SLC15A5: variants seen among roughly 807,000 people sequenced by gnomAD.
The protein encoded by SLC15A5 is Peptide/histidine transporter ENSP00000340402.
A neutral mutation model predicts 56.1 loss-of-function variants in SLC15A5; 58 were observed. The observed-to-expected ratio is 1.03, with a 90% CI of 0.84 to 1.29. The LOEUF is 1.29. Among genes scored for constraint, SLC15A5 ranks in the 50% most tolerant of loss-of-function variants. SLC15A5 has a pLI of 0.00. For synonymous variants in SLC15A5, 264 were observed against 250.5 expected (o/e 1.05, Z -0.51); for missense variants, 681 against 672.1 (o/e 1.01, Z -0.15).
intron 2 of SLC15A5, among the ~76,000 whole-genome samples, chr12:16,265,918 G>C (rs1050397858): frequency 1.3e-5 from 2 of 152,058 alleles, no homozygotes; most frequent in Non-Finnish European, 2.9e-5. Context: ...ATGAGACCTA[G>C]CACAGTACTA....
chr12:16,233,389 T>C lies in SLC15A5; in HGVS notation c.1162+6292A>G, dbSNP rs528986546. 1.1e-4 allele frequency among the ~76,000 whole-genome samples: 16 copies of C among 152,352 alleles called. No homozygotes were observed. The South Asian group carries it at 3.3e-3, about 32-fold the overall frequency. ...AAATTTCTATGATTTTTAAAATTGA[T>C]AAAATTTAAAATTATTTCTTTTGGA... On this transcript the variant is annotated intron_variant, in intron 5 of 8. Coordinates refer to ENST00000344941, the MANE Select transcript of SLC15A5 (RefSeq NM_001170798.1).
At chr12:16,214,267 T>G (rs1864109685) in intron 7 of SLC15A5, among the ~76,000 whole-genome samples, 1 of 152,196 alleles carries the variant, frequency 6.6e-6, no homozygotes, top group African/African-American at 2.4e-5. Context: ...GATTAAAAAA[T>G]TTGCCTGGAC....
At position 16,189,050 on chromosome 12, in the gene SLC15A5, TA is replaced by T. The variant is rs1863815119; in HGVS notation, c.*617del. The T allele has an allele frequency of 6.6e-6, 1 of 152,198 alleles. No homozygotes were observed. The highest frequency in any genetic ancestry group is 1.5e-5 in the Non-Finnish European group (1 of 68,036). 9.4% of individuals were successfully genotyped at this position (152,198 alleles called of 1,614,324 possible). A position where few individuals can be genotyped will look rare whatever the true frequency, so the allele number is the denominator to read the frequency against. ...TTCCAATAATTCCATAACTTACATTTATTTTTCAACTTTTTTAGTATGCGGA... is the reference window on the plus strand; with the variant it reads ...TTCCAATAATTCCATAACTTACATTTTTTTTCAACTTTTTTAGTATGCGGA... On this transcript the variant is annotated 3_prime_UTR_variant, in exon 9 of 9. Coordinates refer to ENST00000344941, the MANE Select transcript of SLC15A5 (RefSeq NM_001170798.1).
At chr12:16,223,657 T>G (rs1339623310) in intron 6 of SLC15A5, among the ~76,000 whole-genome samples, 1 of 152,202 alleles carries the variant, frequency 6.6e-6, no homozygotes, top group African/African-American at 2.4e-5. Context: ...AATTTTCATT[T>G]CATTTGCATG....
At position 16,189,729 on chromosome 12, in the gene SLC15A5, T is replaced by C; in HGVS notation, c.1679A>G (p.Lys560Arg). 1 of 1,530,432 alleles carries C rather than the reference T, an allele frequency of 6.5e-7. No individual in the cohort carries two copies. The highest frequency in any genetic ancestry group is 8.7e-7 in the Non-Finnish European group (1 of 1,143,402). 94.8% of individuals were successfully genotyped at this position (1,530,432 alleles called of 1,614,324 possible). The change falls in exon 9 of 9, where the codon AAA becomes AGA. Residue 560 changes from lysine to arginine, a missense_variant. Lys to Arg is a conservative substitution (Grantham distance 26, BLOSUM62 2). Transcript: ENST00000344941. ...AAATTCCTGTATACTGCCATAAAAT[T>C]TCAGAGATTTTTCGTGGAGGAGAAG... ...ETLLLHEKSL[K>R]FYGSIQEFSS... is the part of the protein sequence containing the mutation.
chr12:16,207,604 C>A (rs146811265), intron 7 of SLC15A5, among the ~76,000 whole-genome samples: 1 of 152,078 alleles, frequency 6.6e-6, no homozygotes, highest in African/African-American at 2.4e-5. Context: ...TCTTCATGAT[C>A]ACCAACATCA....
intron 6 of SLC15A5, among the ~76,000 whole-genome samples, chr12:16,217,292 C>T (rs534177971): frequency 1.3e-5 from 2 of 152,182 alleles, no homozygotes; most frequent in South Asian, 2.1e-4. Flanking sequence ...ATGTATTCAC[C>T]CTAATTTCAC....
Position 16,269,558 on chromosome 12 carries a change from C to G in SLC15A5, c.584+3003G>C, listed in dbSNP as rs1165727004. On this transcript the variant is annotated intron_variant, in intron 2 of 8. Transcript: ENST00000344941. The surrounding 1 kb of genome is among the most constrained non-coding windows in gnomAD (Gnocchi z 4.7). ...ATGCTGTGGGATAATACATTTTTAC[C>G]TCTAGTGCTTCCCTAAGATAAAATA... is the stretch of plus-strand genomic sequence containing the variant. Among the ~76,000 whole-genome samples the G allele has an allele frequency of 6.6e-6, 1 of 152,042 alleles. No homozygotes were observed.
chr12:16,199,304 CA>C (rs10687463), intron 7 of SLC15A5, among the ~76,000 whole-genome samples: 43,132 of 90,518 alleles, frequency 0.48, 7,713 homozygotes, highest in South Asian at 0.66. Flanking sequence ...TAGACTGTCT[CA>C]AAAAAAAAAA....
At chr12:16,239,975 C>G in intron 4 of SLC15A5, 108 bp from the exon 5 acceptor site, 1 of 998,872 alleles carries the variant, frequency 1.0e-6, no homozygotes, top group Non-Finnish European at 1.4e-6. Context: ...GATGGATGAG[C>G]TGGATGTTGC....
intron 8 of SLC15A5, among the ~76,000 whole-genome samples, chr12:16,193,828 AGAGAGAGAGAGAGAGAGG>A (rs1298283908): frequency 2.8e-4 from 31 of 111,894 alleles, no homozygotes; most frequent in Admixed American, 8.9e-4. Context: ...AGAGAGAGAG[AGAGAGAGAGAGAGAGAGG>A]CTGGCAATGG....
intron 6 of SLC15A5, among the ~76,000 whole-genome samples, chr12:16,218,971 T>C (rs924496385): frequency 6.6e-6 from 1 of 152,168 alleles, no homozygotes; most frequent in African/African-American, 2.4e-5. Flanking sequence ...TAATTTAAAA[T>C]TTCTGTTTTA....
chr12:16,264,233 A>T (rs1218604745), intron 2 of SLC15A5, among the ~76,000 whole-genome samples: 3 of 152,172 alleles, frequency 2.0e-5, no homozygotes, highest in Non-Finnish European at 4.4e-5. Flanking sequence ...CATGACCTAA[A>T]TGTGAGACAT....
chr12:16,224,510 A>G lies in SLC15A5; in HGVS notation c.1255T>C (p.Ser419Pro). The part of the protein sequence containing the change: ...KHFPAVEQPL[S>P]GKVLTVSSMP... ...GAGGAAACAGTGAGAACTTTTCCTG[A>G]AAGGGGCTGCTCCACTGCAGGGAAA... Residue 419 changes from serine to proline, a missense_variant, in exon 6 of 9, where the codon TCA becomes CCA. Physicochemically the swap from Ser to Pro is moderately conservative, Grantham distance 74. Coordinates refer to ENST00000344941, the MANE Select transcript of SLC15A5 (RefSeq NM_001170798.1). The G allele has an allele frequency of 6.5e-7, 1 of 1,537,228 alleles. No homozygotes were observed. The highest frequency in any genetic ancestry group is 8.7e-7 in the Non-Finnish European group (1 of 1,146,890).
At chr12:16,258,744 A>G (rs191903472) in intron 2 of SLC15A5, among the ~76,000 whole-genome samples, 14 of 152,310 alleles carry the variant, frequency 9.2e-5, no homozygotes, top group Admixed American at 9.2e-4. Context: ...TGATTAGATG[A>G]GACCCACCCA....
chr12:16,203,566 AG>A (rs1863983925), intron 7 of SLC15A5, among the ~76,000 whole-genome samples: 1 of 152,152 alleles, frequency 6.6e-6, no homozygotes, highest in Admixed American at 6.6e-5. Flanking sequence ...ACAAGAATAA[AG>A]TTTTTGTATG....
chr12:16,203,104 T>G (rs1863978367), intron 7 of SLC15A5, among the ~76,000 whole-genome samples: 1 of 152,118 alleles, frequency 6.6e-6, no homozygotes, highest in African/African-American at 2.4e-5. Context: ...ATATCAAAAT[T>G]GCTAAAACAG....
intron 7 of SLC15A5, among the ~76,000 whole-genome samples, chr12:16,195,581 C>A (rs1475535960): frequency 6.6e-6 from 1 of 151,932 alleles, no homozygotes; most frequent in Non-Finnish European, 1.5e-5. Flanking sequence ...CATTTCCTTG[C>A]CTTTTTATAG....
chr12:16,232,978 AAG>A (rs997536216), intron 5 of SLC15A5, among the ~76,000 whole-genome samples: 7 of 145,666 alleles, frequency 4.8e-5, no homozygotes, highest in East Asian at 2.3e-4. Context: ...AGAAAGAAGA[AAG>A]AGAGGGAGGG....
Sources: allele counts gnomAD v4.1 joint callset (sites outside exome capture counted in the v4.1 genomes callset), GRCh38; gene constraint gnomAD v4.1.1; non-coding constraint Gnocchi (gnomAD v3.1); transcripts MANE v1.5; gene names NCBI Gene and HGNC (gene_info 2026-07-23, HGNC 2026-07-21).